The following MINPP1 variants were observed in gnomAD, a reference collection of about 807,000 sequenced individuals.
MINPP1 encodes multiple inositol polyphosphate phosphatase 1.
In MINPP1, 28 loss-of-function variants were observed where a neutral mutation model predicts 46.1. The observed-to-expected ratio is 0.61, with a 90% CI of 0.45 to 0.83. The LOEUF is 0.83. MINPP1 is among the 40% of genes least tolerant of loss of function. The probability of loss-of-function intolerance (pLI) is 0.00; values close to 1 mark genes in which losing one functional copy is unlikely to be tolerated. For synonymous variants in MINPP1, 268 were observed against 249.1 expected, an observed-to-expected ratio of 1.08 and a Z score of -0.72; for missense variants, 603 against 610.0, an observed-to-expected ratio of 0.99 and a Z score of 0.12.
At chr10:87,550,736 C>G (rs552965151) in intron 4 of MINPP1, among the ~76,000 whole-genome samples, 2 of 151,996 alleles carry the variant, frequency 1.3e-5, no homozygotes, top group South Asian at 2.1e-4. Context: ...TTCCCCTCCC[C>G]CCACTTTCAT....
chr10:87,531,649 C>A (rs1319372549), intron 4 of MINPP1, among the ~76,000 whole-genome samples: 1 of 152,170 alleles, frequency 6.6e-6, no homozygotes, highest in Non-Finnish European at 1.5e-5. Context: ...CAAAATACTC[C>A]AAACTCCAAA....
intron 4 of MINPP1, among the ~76,000 whole-genome samples, chr10:87,544,845 C>G (rs949555910): frequency 7.9e-5 from 12 of 151,972 alleles, no homozygotes; most frequent in Non-Finnish European, 1.6e-4. Flanking sequence ...TGAATTCAGG[C>G]TGAGAAAAAC....
chr10:87,507,604 A>G (rs1851271585), intron 1 of MINPP1, among the ~76,000 whole-genome samples: 1 of 152,172 alleles, frequency 6.6e-6, no homozygotes, highest in African/African-American at 2.4e-5. Flanking sequence ...AAATTGTTGG[A>G]GAAATGATTG....
intron 4 of MINPP1, among the ~76,000 whole-genome samples, chr10:87,541,064 G>A (rs1851809318): frequency 6.6e-6 from 1 of 152,204 alleles, no homozygotes; most frequent in African/African-American, 2.4e-5. Context: ...CATTTTTGGT[G>A]TCTGTATACT....
At chr10:87,548,819 T>C (rs1446734239) in intron 4 of MINPP1, among the ~76,000 whole-genome samples, 1 of 152,130 alleles carries the variant, frequency 6.6e-6, no homozygotes, top group Non-Finnish European at 1.5e-5. Context: ...CTTTAAGATA[T>C]TGGGGGTTTT....
intron 4 of MINPP1, among the ~76,000 whole-genome samples, chr10:87,532,018 A>G (rs1394117574): frequency 6.6e-6 from 1 of 152,222 alleles, no homozygotes; most frequent in African/African-American, 2.4e-5. Flanking sequence ...ATATACAGAC[A>G]TGGTATTGGT....
intron 4 of MINPP1, among the ~76,000 whole-genome samples, chr10:87,548,881 C>T (rs1428228507): frequency 6.6e-6 from 1 of 152,028 alleles, no homozygotes; most frequent in Non-Finnish European, 1.5e-5. Context: ...AGAAGATAAT[C>T]AATACTTACG....
At position 87,508,357 on chromosome 10, in the gene MINPP1, C is replaced by T; in HGVS notation, c.659C>T (p.Thr220Ile). 1 of 1,613,050 alleles carries T rather than the reference C, an allele frequency of 6.2e-7. No individual in the cohort carries two copies. Among genetic ancestry groups the T allele is most frequent in the South Asian group, 1.1e-5 (1 of 90,766 alleles). The change falls in exon 2 of 5, where the codon ACA becomes ATA. Residue 220 changes from threonine (T) to isoleucine (I), a missense_variant. By Grantham distance (89) the Thr-to-Ile change is moderately conservative (BLOSUM62 -1). Coordinates refer to ENST00000371996, the MANE Select transcript of MINPP1 (RefSeq NM_004897.5). ...DVADMEFGPP[T>I]VNDKLMRFFD... ...TCAGATATGGAGTTTGGACCTCCAA[C>T]AGTTAATGATAAACTAATGAGATTT...
chr10:87,528,600 A>G (rs1191077772), intron 4 of MINPP1, among the ~76,000 whole-genome samples: 1 of 152,120 alleles, frequency 6.6e-6, no homozygotes, highest in African/African-American at 2.4e-5. Context: ...CTATTCTTTT[A>G]CATTTGCTGA....
intron 4 of MINPP1, among the ~76,000 whole-genome samples, chr10:87,545,241 A>G (rs1044355083): frequency 6.6e-6 from 1 of 152,028 alleles, no homozygotes; most frequent in African/African-American, 2.4e-5. Context: ...TTTCTATTTT[A>G]TAAGTTGTTT....
chr10:87,507,932 A>C, intron 1 of MINPP1: 10 of 1,281,488 alleles, frequency 7.8e-6, no homozygotes, highest in Non-Finnish European at 9.9e-6. Flanking sequence ...TACTCTGTTT[A>C]GACTTTGGCT....
intron 1 of MINPP1, among the ~76,000 whole-genome samples, chr10:87,506,760 C>G (rs1851258080): frequency 6.6e-6 from 1 of 152,082 alleles, no homozygotes; most frequent in Non-Finnish European, 1.5e-5. Flanking sequence ...CTTCAAAGCC[C>G]AAGTGAAAAA....
At chr10:87,515,753 G>A (rs1388684525) in intron 3 of MINPP1, among the ~76,000 whole-genome samples, 1 of 151,998 alleles carries the variant, frequency 6.6e-6, no homozygotes, top group Non-Finnish European at 1.5e-5. Flanking sequence ...GTTGAAGTTG[G>A]ATGAGTACAC....
chr10:87,538,226 C>T (rs1458242817), intron 4 of MINPP1, among the ~76,000 whole-genome samples: 2 of 151,776 alleles, frequency 1.3e-5, no homozygotes, highest in East Asian at 3.9e-4. Context: ...CCCTGCTGGT[C>T]TGCAGCACTC....
rs145603089 is a variant in MINPP1, at chr10:87,516,271, A to G, written c.933+3050A>G. 8.7e-4 allele frequency among the ~76,000 whole-genome samples: 91 copies of G among 104,846 alleles called. 23 individuals are homozygous for G. Among genetic ancestry groups the G allele is most frequent in the African/African-American group, 2.5e-3 (89 of 34,918 alleles). 68.8% of individuals were successfully genotyped at this position (104,846 alleles called of 152,430 possible). A position where few individuals can be genotyped will look rare whatever the true frequency, so the allele number is the denominator to read the frequency against. ...CACTTGCTTGGAACTAAAGACACTA[A>G]CATAAGATAGATATTGTCCTCAAAG... On this transcript the variant is annotated intron_variant, in intron 3 of 4. Transcript: ENST00000371996.
intron 3 of MINPP1, among the ~76,000 whole-genome samples, chr10:87,517,222 G>A (rs1851424070): frequency 6.6e-6 from 1 of 152,200 alleles, no homozygotes; most frequent in African/African-American, 2.4e-5. Context: ...GCAGGGATTT[G>A]AACTGGGAGG....
At chr10:87,521,274 T>TA (rs1425740090) in intron 4 of MINPP1, 105 bp downstream of exon 4, 1 of 888,942 alleles carries the variant, frequency 1.1e-6, no homozygotes, top group Non-Finnish European at 1.8e-6. Flanking sequence ...GCTTGTGTTT[T>TA]AAAAAAATTT....
chr10:87,511,843 A>G (rs1851339077), intron 2 of MINPP1, among the ~76,000 whole-genome samples: 1 of 152,226 alleles, frequency 6.6e-6, no homozygotes, highest in Non-Finnish European at 1.5e-5. Flanking sequence ...CCTGGTACTT[A>G]CAAGCCACTA....
intron 4 of MINPP1, among the ~76,000 whole-genome samples, chr10:87,538,547 T>C (rs1201232660): frequency 6.6e-6 from 1 of 152,274 alleles, no homozygotes; most frequent in Non-Finnish European, 1.5e-5. Context: ...AGTGTATTTT[T>C]GCTTGAGGAA....
Sources: allele counts gnomAD v4.1 joint callset (sites outside exome capture counted in the v4.1 genomes callset), GRCh38; gene constraint gnomAD v4.1.1; transcripts MANE v1.5; gene names NCBI Gene and HGNC (gene_info 2026-07-23, HGNC 2026-07-21).